Variants in MAGI2 observed in about 807,000 individuals in gnomAD.
MAGI2 encodes the protein membrane-associated guanylate kinase, WW and PDZ domain-containing protein 2.
MAGI2 carries 35 observed loss-of-function variants against 133.3 expected under a neutral mutation model. The ratio of observed to expected loss-of-function variants is 0.26; its 90% CI spans 0.20 to 0.35. The LOEUF (loss-of-function observed/expected upper bound fraction) is 0.35. Among genes scored for constraint, MAGI2 ranks in the 10% least tolerant of loss-of-function variants. The pLI, the probability that MAGI2 is intolerant of heterozygous loss-of-function variation, is 1.00. For synonymous variants in MAGI2, 729 were observed against 710.6 expected (o/e 1.03, Z -0.41); for missense variants, 1,636 against 1,863.4 (o/e 0.88, Z 2.25).
At chr7:78,027,627 CA>C (rs753787460) in intron 21 of MAGI2, among the ~76,000 whole-genome samples, 254 of 84,362 alleles carry the variant, frequency 3.0e-3, no homozygotes, top group African/African-American at 3.3e-3. Flanking sequence ...GACTCCATCT[CA>C]AAAAAAAAAA....
intron 2 of MAGI2, among the ~76,000 whole-genome samples, chr7:78,892,864 C>A (rs995085798): frequency 7.3e-4 from 111 of 152,026 alleles, no homozygotes; most frequent in African/African-American, 2.0e-3. Context: ...GCAACAAAAG[C>A]CAAAATTGAC....
intron 1 of MAGI2, among the ~76,000 whole-genome samples, chr7:79,434,696 A>C (rs1848020297): frequency 6.6e-6 from 1 of 152,176 alleles, no homozygotes; most frequent in South Asian, 2.1e-4. Context: ...CTGTACTTAC[A>C]ATGTTTATTA....
intron 1 of MAGI2, among the ~76,000 whole-genome samples, chr7:79,113,084 G>A (rs1462176618): frequency 1.3e-5 from 2 of 152,168 alleles, no homozygotes; most frequent in Non-Finnish European, 2.9e-5. Context: ...TTGTCATATA[G>A]ACTAAGTTTG....
At chr7:78,168,376 A>G (rs893217259) in intron 14 of MAGI2, among the ~76,000 whole-genome samples, 1 of 152,226 alleles carries the variant, frequency 6.6e-6, no homozygotes, top group Non-Finnish European at 1.5e-5. Flanking sequence ...GATGTTGGAA[A>G]GATGCCCTTT....
Position 78,859,333 on chromosome 7 carries a change from A to C in MAGI2, c.418+147757T>G, listed in dbSNP as rs991359092. Among the ~76,000 whole-genome samples, 5 of 152,048 alleles carry C rather than the reference A, an allele frequency of 3.3e-5. No homozygotes were observed. In the East Asian group the frequency reaches 9.7e-4, roughly 29 times the overall value. Reference sequence around the variant, plus strand: ...TTAGTTGATGCAGTTTCTTCCTAGCATCGATGGTCTTTACAATTTGGCATG... The same window carrying C: ...TTAGTTGATGCAGTTTCTTCCTAGCCTCGATGGTCTTTACAATTTGGCATG... On this transcript the variant is annotated intron_variant, in intron 2 of 21. Coordinates refer to ENST00000354212, the MANE Select transcript of MAGI2 (RefSeq NM_012301.4).
intron 2 of MAGI2, among the ~76,000 whole-genome samples, chr7:78,845,823 C>CTA (rs1792551982): frequency 6.6e-6 from 1 of 151,782 alleles, no homozygotes; most frequent in Admixed American, 6.6e-5. Context: ...GACTAATGAG[C>CTA]TATAGCATTT....
chr7:78,301,923 A>C (rs1462172923), intron 9 of MAGI2, among the ~76,000 whole-genome samples: 1 of 152,158 alleles, frequency 6.6e-6, no homozygotes, highest in Non-Finnish European at 1.5e-5. Flanking sequence ...CCCAATCTAT[A>C]AAATGGGGGT....
At chr7:78,862,016 G>T (rs1209309252) in intron 2 of MAGI2, among the ~76,000 whole-genome samples, 2 of 152,160 alleles carry the variant, frequency 1.3e-5, no homozygotes, top group Non-Finnish European at 1.5e-5. Flanking sequence ...TCAGAAGAAA[G>T]GACAGAAATA....
chr7:78,752,828 T>G (rs1322389293), intron 2 of MAGI2, among the ~76,000 whole-genome samples: 1 of 152,166 alleles, frequency 6.6e-6, no homozygotes, highest in African/African-American at 2.4e-5. Context: ...AGCCTCAAAT[T>G]CTGCATTTAA....
chr7:79,207,717 A>T (rs1238659883), intron 1 of MAGI2, among the ~76,000 whole-genome samples: 1 of 151,880 alleles, frequency 6.6e-6, no homozygotes, highest in Non-Finnish European at 1.5e-5. Context: ...AAAACAAAAG[A>T]CTCCAAATAG....
At chr7:78,674,357 A>T (rs1040016540) in intron 2 of MAGI2, among the ~76,000 whole-genome samples, 4 of 152,134 alleles carry the variant, frequency 2.6e-5, no homozygotes, top group African/African-American at 9.7e-5. Flanking sequence ...GGAATTTCAA[A>T]TAATGAACAG....
At chr7:78,741,073 C>T (rs970187552) in intron 2 of MAGI2, among the ~76,000 whole-genome samples, 9 of 151,738 alleles carry the variant, frequency 5.9e-5, no homozygotes, top group Non-Finnish European at 1.3e-4. Context: ...ATTTTTTTTC[C>T]ATCCGGGAGT....
intron 1 of MAGI2, among the ~76,000 whole-genome samples, chr7:79,293,705 C>T (rs1485397915): frequency 6.6e-6 from 1 of 152,186 alleles, no homozygotes; most frequent in Non-Finnish European, 1.5e-5. Flanking sequence ...GCCAAAATCA[C>T]TGGTCAAGGG....
chr7:79,440,859 T>C (rs1048484686), intron 1 of MAGI2, among the ~76,000 whole-genome samples: 3 of 152,218 alleles, frequency 2.0e-5, no homozygotes, highest in Admixed American at 2.0e-4. Context: ...CTTTTCCTCA[T>C]TCTGCTCTGC....
intron 9 of MAGI2, among the ~76,000 whole-genome samples, chr7:78,327,054 C>T (rs1788660003): frequency 6.6e-6 from 1 of 152,216 alleles, no homozygotes; most frequent in South Asian, 2.1e-4. Context: ...TCTGTGCATT[C>T]TTCCTCCGGC....
At chr7:78,311,531 G>A (rs1326928535) in intron 9 of MAGI2, among the ~76,000 whole-genome samples, 1 of 152,114 alleles carries the variant, frequency 6.6e-6, no homozygotes, top group African/African-American at 2.4e-5. Context: ...ATTTTTCATG[G>A]CATTTTCCTG....
At chr7:79,033,799 A>G (rs1372771479) in intron 1 of MAGI2, among the ~76,000 whole-genome samples, 1 of 152,180 alleles carries the variant, frequency 6.6e-6, no homozygotes, top group Admixed American at 6.6e-5. Flanking sequence ...CATAAGGTTC[A>G]ATCCAGTGGT....
At chr7:78,693,997 A>G (rs1178002794) in intron 2 of MAGI2, among the ~76,000 whole-genome samples, 2 of 152,150 alleles carry the variant, frequency 1.3e-5, no homozygotes, top group Non-Finnish European at 2.9e-5. Context: ...AGGATTGGGG[A>G]CAGTGAAAAG....
chr7:78,918,816 G>A (rs7782075), intron 2 of MAGI2, among the ~76,000 whole-genome samples: 2 of 151,888 alleles, frequency 1.3e-5, no homozygotes, highest in African/African-American at 2.4e-5. Flanking sequence ...TTGCATATAA[G>A]TTTAAACATC....
Sources: gnomAD v4.1 joint callset for allele counts (sites outside exome capture counted in the v4.1 genomes callset) on GRCh38, gnomAD v4.1.1 for gene constraint, MANE v1.5 for transcripts, NCBI Gene and HGNC (gene_info 2026-07-23, HGNC 2026-07-21) for gene names.